RERE: variants seen among roughly 807,000 people sequenced by gnomAD.
The protein encoded by RERE is arginine-glutamic acid dipeptide repeats.
RERE carries 40 observed loss-of-function variants against 146.1 expected under a neutral mutation model. The ratio of observed to expected loss-of-function variants is 0.27; its 90% confidence interval spans 0.21 to 0.36. The LOEUF is 0.36. Among genes scored for constraint, RERE ranks in the 10% least tolerant of loss-of-function variants. The pLI, the probability that RERE is intolerant of heterozygous loss-of-function variation, is 1.00. For missense variants in RERE, 1,933 were observed against 2,138.7 expected, an observed-to-expected ratio of 0.90 and a Z score of 1.90; for synonymous variants, 1,003 against 866.0, an observed-to-expected ratio of 1.16 and a Z score of -2.78.
intron 1 of RERE, among the ~76,000 whole-genome samples, chr1:8,694,796 A>C (rs530014826): frequency 4.7e-4 from 72 of 152,156 alleles, no homozygotes; most frequent in Middle Eastern, 3.4e-3. Context: ...AAATGGAAAA[A>C]CATTTGATGC....
chr1:8,657,145 T>C (rs533920662), intron 1 of RERE, among the ~76,000 whole-genome samples: 1 of 151,658 alleles, frequency 6.6e-6, no homozygotes, highest in African/African-American at 2.4e-5. Context: ...TACTAAAAAA[T>C]ACAACAAAAA....
intron 1 of RERE, among the ~76,000 whole-genome samples, chr1:8,689,910 TC>T (rs1366412648): frequency 1.3e-5 from 2 of 152,124 alleles, no homozygotes; most frequent in East Asian, 3.8e-4. Context: ...CTGTTCTGCC[TC>T]CTTCAGAAGG....
chr1:8,500,663 G>C (rs1024941831), intron 8 of RERE, among the ~76,000 whole-genome samples: 4 of 151,884 alleles, frequency 2.6e-5, no homozygotes, highest in Admixed American at 2.6e-4. Context: ...GTCTCTGCCT[G>C]GCCGCCCATC....
At chr1:8,525,656 A>T in intron 7 of RERE, 1 of 1,259,118 alleles carries the variant, frequency 7.9e-7, no homozygotes, top group Non-Finnish European at 1.1e-6. Context: ...GCTCTCAGGA[A>T]CATGCACTAT....
intron 4 of RERE, among the ~76,000 whole-genome samples, chr1:8,608,354 T>C (rs188504173): frequency 6.6e-6 from 1 of 152,008 alleles, no homozygotes; most frequent in African/African-American, 2.4e-5. Context: ...ATTTAAAAAA[T>C]TTTTAAATTT....
chr1:8,462,552 G>A (rs1038020630), intron 11 of RERE, among the ~76,000 whole-genome samples: 1 of 152,260 alleles, frequency 6.6e-6, no homozygotes, highest in African/African-American at 2.4e-5. Context: ...GGCCCAGGAG[G>A]TGCAGAGGCC....
At chr1:8,608,217 C>G (rs955183044) in intron 4 of RERE, among the ~76,000 whole-genome samples, 11 of 152,094 alleles carry the variant, frequency 7.2e-5, no homozygotes, top group African/African-American at 2.7e-4. Flanking sequence ...TCAACTAGTA[C>G]GGAACAAGGG....
rs1569856842 is a variant in RERE at position 8,817,459 on chromosome 1, T to G, written c.-444A>C. 1 of 68,502 alleles carries G rather than the reference T, an allele frequency of 1.5e-5. No individual in the cohort carries two copies. Among genetic ancestry groups the G allele is most frequent in the African/African-American group, 6.3e-5 (1 of 15,990 alleles). 4.2% of individuals were successfully genotyped at this position (68,502 alleles called of 1,614,324 possible). ...CGAGGGGGCTCCCTGAGGATGATGGTGATTTTTTTTTTTTTTTAATCCTCA... is the reference window on the plus strand; with the variant it reads ...CGAGGGGGCTCCCTGAGGATGATGGGGATTTTTTTTTTTTTTTAATCCTCA... On this transcript the variant is annotated 5_prime_UTR_variant, in exon 1 of 23. Coordinates refer to ENST00000400908, the MANE Select transcript of RERE (RefSeq NM_001042681.2).
At chr1:8,576,888 T>C (rs1410315430) in intron 4 of RERE, among the ~76,000 whole-genome samples, 8 of 152,200 alleles carry the variant, frequency 5.3e-5, no homozygotes, top group Admixed American at 1.3e-4. Context: ...GATACATTTG[T>C]GCTGGGCACG....
chr1:8,651,485 T>C (rs1283546227), intron 2 of RERE, among the ~76,000 whole-genome samples: 1 of 152,194 alleles, frequency 6.6e-6, no homozygotes, highest in Non-Finnish European at 1.5e-5. Context: ...AAGATACAAC[T>C]AAGCACACAG....
intron 2 of RERE, among the ~76,000 whole-genome samples, chr1:8,647,501 A>C (rs1488516666): frequency 6.6e-6 from 1 of 152,218 alleles, no homozygotes; most frequent in African/African-American, 2.4e-5. Flanking sequence ...TTATCAATAA[A>C]ACTACCCCAC....
chr1:8,366,929 C>CA lies in RERE; in HGVS notation c.1285-956dup, dbSNP rs1292789143. 3.2e-3 allele frequency among the ~76,000 whole-genome samples: 266 copies of CA among 84,204 alleles called. 8 individuals are homozygous for CA. The highest frequency in any genetic ancestry group is 4.7e-3 in the South Asian group (14 of 2,990). The allele number at this position is 84,204 out of a possible 152,430, so 55.2% of individuals were successfully genotyped here. Reference sequence around the variant, plus strand: ...GAAAAAAAAAAACAAAAAAAAAAAACAAAAAAAAAAAACCCAAAAAACAAA... The same window carrying CA: ...GAAAAAAAAAAACAAAAAAAAAAAACAAAAAAAAAAAAACCCAAAAAACAAA... On this transcript the variant is annotated intron_variant, in intron 12 of 22. Transcript: ENST00000400908.
Position 8,358,826 on chromosome 1 carries a change from T to C in RERE, c.3709A>G (p.Thr1237Ala), listed in dbSNP as rs138655804. Residue 1237 changes from threonine (T) to alanine (A), a missense_variant, in exon 20 of 23, where the codon ACC becomes GCC. Thr to Ala is a moderately conservative substitution (Grantham distance 58). Around this residue, in one of 11 missense-constraint regions of RERE, gnomAD observed 1,255 missense variants for 1,153.8 expected, o/e 1.09. Coordinates refer to ENST00000400908, the MANE Select transcript of RERE (RefSeq NM_001042681.2). ...TAGGGGGGCACAGCAGCAATGGTGG[T>C]TGGTGGTGGCTCGAAGGATGGCCGC... ...HMRPSFEPPP[T>A]TIAAVPPYIG... The C allele has an allele frequency of 1.6e-5, 25 of 1,610,852 alleles. No homozygotes were observed. The highest frequency in any genetic ancestry group is 2.1e-5 in the Non-Finnish European group (25 of 1,178,300).
intron 1 of RERE, among the ~76,000 whole-genome samples, chr1:8,744,853 T>G (rs1569694212): frequency 6.6e-6 from 1 of 152,162 alleles, no homozygotes; most frequent in Non-Finnish European, 1.5e-5. Flanking sequence ...CAAATGCCCA[T>G]AGTCTAAAAT....
intron 6 of RERE, among the ~76,000 whole-genome samples, chr1:8,545,918 C>T (rs1645854017): frequency 1.4e-5 from 2 of 147,072 alleles, no homozygotes; most frequent in Admixed American, 6.9e-5. Context: ...CTCCTGACCT[C>T]GTGATCTGCC....
At chr1:8,723,723 CA>C (rs1557504033) in intron 1 of RERE, among the ~76,000 whole-genome samples, 1 of 152,154 alleles carries the variant, frequency 6.6e-6, no homozygotes, top group Non-Finnish European at 1.5e-5. Flanking sequence ...AGCTAACAAA[CA>C]GGCTGTGTTT....
Position 8,358,469 on chromosome 1 carries a change from G to A in RERE, c.4066C>T (p.Pro1356Ser). Residue 1356 changes from proline to serine, a missense_variant, in exon 20 of 23, where the codon CCC (proline) becomes TCC (serine). Transcript: ENST00000400908. ...AAAGGGTGGGGCCCGGCGGTCGGGGGGATGGTGAGGGCGCTGTGCCGGGCA... is the reference window on the plus strand; with the variant it reads ...AAAGGGTGGGGCCCGGCGGTCGGGGAGATGGTGAGGGCGCTGTGCCGGGCA... Reference protein sequence around the residue: ...HFARHSALTIPPTAGPHPFAS... With the variant: ...HFARHSALTISPTAGPHPFAS... 6.3e-7 allele frequency: 1 copy of A among 1,584,320 alleles called. No homozygotes were observed. Among genetic ancestry groups the A allele is most frequent in the African/African-American group, 1.3e-5 (1 of 74,566 alleles).
chr1:8,722,317 CT>C (rs1639879640), intron 1 of RERE, among the ~76,000 whole-genome samples: 3 of 152,184 alleles, frequency 2.0e-5, no homozygotes, highest in Admixed American at 1.3e-4. Context: ...GGTAACATCC[CT>C]TTTCTACTTA....
chr1:8,745,609 A>G (rs1044008783), intron 1 of RERE, among the ~76,000 whole-genome samples: 1 of 152,120 alleles, frequency 6.6e-6, no homozygotes, highest in Admixed American at 6.6e-5. Flanking sequence ...TAAAACTTCT[A>G]CAGGATTCCA....
Sources: gnomAD v4.1 joint callset for allele counts (sites outside exome capture counted in the v4.1 genomes callset) on GRCh38, gnomAD v4.1.1 for gene constraint, gnomAD v4.1.1 regional missense constraint, MANE v1.5 for transcripts, NCBI Gene and HGNC (gene_info 2026-07-23, HGNC 2026-07-21) for gene names.